Variants in TTK observed in about 807,000 individuals in gnomAD.
TTK encodes the protein dual specificity protein kinase TTK.
A neutral mutation model predicts 117.3 loss-of-function variants in TTK; 59 were observed. That is an observed-to-expected ratio of 0.50 (90% CI 0.41 to 0.62). TTK has a LOEUF of 0.62. Ranked by LOEUF, TTK falls within the 20% of genes least tolerant of loss-of-function variation. The probability of loss-of-function intolerance (pLI) is 0.00; values close to 1 mark genes in which losing one functional copy is unlikely to be tolerated. For missense variants in TTK, 921 were observed against 989.4 expected (o/e 0.93, Z 0.93); for synonymous variants, 302 against 325.0 (o/e 0.93, Z 0.76).
chr6:80,033,444 T>C (rs1767810168), intron 14 of TTK, among the ~76,000 whole-genome samples: 1 of 152,168 alleles, frequency 6.6e-6, no homozygotes. Context: ...AATTTACTTA[T>C]TTGGTTTGTT....
chr6:80,038,023 A>G lies in TTK; in HGVS notation c.2106A>G (p.Arg702=). Residue 702 remains arginine, a synonymous_variant, in exon 18 of 22, where the codon AGA becomes AGG. Transcript: ENST00000369798. ...CAATCAAAGATATGTCTTCCTCCAG[A>G]GAGAATGGGAAATCTAAGTCAAAGG... ...PEAIKDMSSS[R]ENGKSKSKIS... 6.2e-7 allele frequency: 1 copy of G among 1,609,952 alleles called. No individual in the cohort carries two copies. Among genetic ancestry groups the G allele is most frequent in the East Asian group, 2.2e-5 (1 of 44,742 alleles).
At chr6:80,030,468 G>A (rs1767727327) in intron 13 of TTK, among the ~76,000 whole-genome samples, 1 of 152,282 alleles carries the variant, frequency 6.6e-6, no homozygotes, top group African/African-American at 2.4e-5. Flanking sequence ...ATAAAGAAAA[G>A]AGGTTTAATT....
In TTK at chr6:80,035,018, T is replaced by C. The variant is rs1767857798; in HGVS notation, c.1648T>C (p.Tyr550His). Residue 550 changes from tyrosine to histidine, a missense_variant, in exon 15 of 22, where the codon TAT becomes CAT. By Grantham distance (83) the Tyr-to-His change is moderately conservative. Transcript: ENST00000369798. ...FQVLNEKKQI[Y>H]AIKYVNLEEA... The stretch of plus-strand genomic sequence containing the variant: ...GGTGTTAAATGAAAAGAAACAGATA[T>C]ATGCTATAAAATATGTGAACTTAGA... 2 of 1,589,524 alleles carry C rather than the reference T, an allele frequency of 1.3e-6. No individual in the cohort carries two copies. Among genetic ancestry groups the C allele is most frequent in the African/African-American group, 1.4e-5 (1 of 73,524 alleles).
chr6:80,008,191 T>C (rs1767046814), intron 3 of TTK, among the ~76,000 whole-genome samples, 160 bp downstream of exon 3: 1 of 152,148 alleles, frequency 6.6e-6, no homozygotes, highest in African/African-American at 2.4e-5. Context: ...TAAACTCTTT[T>C]CTATGCACGT....
At chr6:80,041,338 C>T (rs1360268769) in intron 21 of TTK, among the ~76,000 whole-genome samples, 1 of 151,784 alleles carries the variant, frequency 6.6e-6, no homozygotes, top group Non-Finnish European at 1.5e-5. Flanking sequence ...TAAAATCCAT[C>T]TAAGTTGCCA....
intron 11 of TTK, among the ~76,000 whole-genome samples, chr6:80,023,620 T>C (rs748446566): frequency 6.6e-6 from 1 of 152,046 alleles, no homozygotes; most frequent in Non-Finnish European, 1.5e-5. Context: ...ATAAAATAAC[T>C]GATAAACTCA....
Position 80,039,721 on chromosome 6 carries a change from C to T in TTK, c.2156C>T (p.Ser719Phe). 3 of 1,536,170 alleles carry T rather than the reference C, an allele frequency of 2.0e-6. No individual in the cohort carries two copies. Among genetic ancestry groups the T allele is most frequent in the Non-Finnish European group, 2.6e-6 (3 of 1,145,130 alleles). Residue 719 changes from serine to phenylalanine, a missense_variant, in exon 19 of 22, where the codon TCC becomes TTC. By Grantham distance (155) the Ser-to-Phe change is radical. Transcript: ENST00000369798. Reference protein sequence around the residue: ...SKISPKSDVWSLGCILYYMTY... With the variant: ...SKISPKSDVWFLGCILYYMTY... ...ATAAGCCCCAAAAGTGATGTTTGGT[C>T]CTTAGGATGTATTTTGTACTATATG...
At position 80,011,512 on chromosome 6, in the gene TTK, C is replaced by T. The variant is rs750351998; in HGVS notation, c.692C>T (p.Ser231Phe). 1.9e-6 allele frequency: 3 copies of T among 1,608,324 alleles called. No homozygotes were observed. In the South Asian group the frequency reaches 3.3e-5, roughly 18 times the overall value. The change falls in exon 6 of 22, where the codon TCC becomes TTC. Residue 231 changes from serine (S) to phenylalanine (F), a missense_variant. Transcript: ENST00000369798. ...HLQNRNNSCDSRGQTTKARFL... is the reference protein window; with the variant it reads ...HLQNRNNSCDFRGQTTKARFL... ...CAGAATAGGAACAACAGTTGTGATTCCAGAGGACAGACTACTAAAGCCAGG... is the reference window on the plus strand; with the variant it reads ...CAGAATAGGAACAACAGTTGTGATTTCAGAGGACAGACTACTAAAGCCAGG...
At position 80,040,202 on chromosome 6, in the gene TTK, T is replaced by A; in HGVS notation, c.2314T>A (p.Leu772Ile). The A allele has an allele frequency of 6.3e-7, 1 of 1,583,072 alleles. No individual in the cohort carries two copies. Among genetic ancestry groups the A allele is most frequent in the Non-Finnish European group, 8.6e-7 (1 of 1,166,898 alleles). ...AATATCTTTGTTTTAATAGTGTTGT[T>A]TAAAAAGGGACCCAAAACAGAGGAT... ...KDLQDVLKCC[L>I]KRDPKQRISI... The change falls in exon 20 of 22, where the codon TTA (leucine) becomes ATA (isoleucine). Residue 772 changes from leucine to isoleucine, a missense_variant. Coordinates refer to ENST00000369798, the MANE Select transcript of TTK (RefSeq NM_003318.5).
At chr6:80,008,974 T>G (rs1767073254) in intron 4 of TTK, among the ~76,000 whole-genome samples, 1 of 150,570 alleles carries the variant, frequency 6.6e-6, no homozygotes. Flanking sequence ...TGTGTAGCGT[T>G]AATTGGTAGT....
At chr6:80,030,184 T>G (rs7769377) in intron 13 of TTK, among the ~76,000 whole-genome samples, 18,645 of 152,240 alleles carry the variant, frequency 0.12, 1,431 homozygotes, top group South Asian at 0.17. Flanking sequence ...ATTCAGACCT[T>G]GTTTAACTTG....
At chr6:80,028,160 G>A in intron 13 of TTK, 149 bp downstream of exon 13, 1 of 845,078 alleles carries the variant, frequency 1.2e-6, no homozygotes, top group South Asian at 3.6e-5. Context: ...ATTCTAATAA[G>A]AGTGTGCCTT....
rs1481343179 is a variant in TTK at position 80,022,416 on chromosome 6, G to T, written c.1201G>T (p.Ala401Ser). Residue 401 changes from alanine to serine, a missense_variant, in exon 11 of 22, where the codon GCT (alanine) becomes TCT (serine). Transcript: ENST00000369798. ...GTCAGAGTGTATTAACCAGAATCCT[G>T]CTGCATCTTCAAATCACTGGCAGAT... ...RKSECINQNP[A>S]ASSNHWQIPE... 1 of 1,613,948 alleles carries T rather than the reference G, an allele frequency of 6.2e-7. No homozygotes were observed. The highest frequency in any genetic ancestry group is 8.5e-7 in the Non-Finnish European group (1 of 1,179,944).
intron 2 of TTK, among the ~76,000 whole-genome samples, chr6:80,007,521 A>G (rs1767024312): frequency 6.6e-6 from 1 of 152,138 alleles, no homozygotes; most frequent in South Asian, 2.1e-4. Flanking sequence ...TTCTTAAACT[A>G]CATACAATTT....
At position 80,040,723 on chromosome 6, in the gene TTK, A is replaced by G. The variant is rs1485103012; in HGVS notation, c.2490+20A>G. On this transcript the variant is annotated intron_variant, in intron 21 of 21. Coordinates refer to ENST00000369798, the MANE Select transcript of TTK (RefSeq NM_003318.5). ...GCTAAAGTAAGTATGTCTATTCTTTACATTAATTTTTACTGTTTTATATAG... is the reference window on the plus strand; with the variant it reads ...GCTAAAGTAAGTATGTCTATTCTTTGCATTAATTTTTACTGTTTTATATAG... The G allele has an allele frequency of 1.2e-6, 2 of 1,602,376 alleles. No individual in the cohort carries two copies. Among genetic ancestry groups the G allele is most frequent in the Non-Finnish European group, 1.7e-6 (2 of 1,174,572 alleles).
At position 80,008,371 on chromosome 6, in the gene TTK, A is replaced by C. The variant is rs774771060; in HGVS notation, c.363-15A>C. The C allele has an allele frequency of 3.8e-6, 6 of 1,596,334 alleles. No individual in the cohort carries two copies. Among genetic ancestry groups the C allele is most frequent in the Non-Finnish European group, 5.1e-6 (6 of 1,174,534 alleles). Reference sequence around the variant, plus strand: ...GTTCTTTTTCTTAAATTTTGACTCAAATCTTTTATTACAGTATTCAAGAGC... The same window carrying C: ...GTTCTTTTTCTTAAATTTTGACTCACATCTTTTATTACAGTATTCAAGAGC... On this transcript the variant is annotated splice_polypyrimidine_tract_variant and intron_variant, in intron 3 of 21. Coordinates refer to ENST00000369798, the MANE Select transcript of TTK (RefSeq NM_003318.5).
At chr6:80,019,305 A>T (rs1767397622) in intron 10 of TTK, among the ~76,000 whole-genome samples, 1 of 152,188 alleles carries the variant, frequency 6.6e-6, no homozygotes, top group Non-Finnish European at 1.5e-5. Flanking sequence ...ATGAGGTGTG[A>T]TGAAAGGAAA....
intron 13 of TTK, among the ~76,000 whole-genome samples, chr6:80,029,058 T>C (rs1198714283): frequency 6.6e-6 from 1 of 152,192 alleles, no homozygotes; most frequent in Non-Finnish European, 1.5e-5. Flanking sequence ...TCAGAAATGT[T>C]AGTAGCAATT....
intron 14 of TTK, among the ~76,000 whole-genome samples, chr6:80,032,125 A>G (rs1370391960): frequency 6.6e-6 from 1 of 152,170 alleles, no homozygotes; most frequent in Non-Finnish European, 1.5e-5. Flanking sequence ...AATTAAATCT[A>G]CTTCCATTAG....
Sources: gnomAD v4.1 joint callset for allele counts (sites outside exome capture counted in the v4.1 genomes callset) on GRCh38, gnomAD v4.1.1 for gene constraint, MANE v1.5 for transcripts, NCBI Gene and HGNC (gene_info 2026-07-23, HGNC 2026-07-21) for gene names.